The following GUCY2C variants were observed in gnomAD, a reference collection of about 807,000 sequenced individuals.
GUCY2C encodes guanylate cyclase 2C, also known as guanylyl cyclase C.
A neutral mutation model predicts 131.1 loss-of-function variants in GUCY2C; 118 were observed. That is an observed-to-expected ratio of 0.90 (90% CI 0.78 to 1.05). The LOEUF is 1.05. Among genes scored for constraint, GUCY2C ranks in the 50% least tolerant of loss-of-function variants. The probability of loss-of-function intolerance (pLI) is 0.00; values close to 1 mark genes in which losing one functional copy is unlikely to be tolerated. For synonymous variants in GUCY2C, 452 were observed against 457.8 expected (o/e 0.99, Z 0.16); for missense variants, 1,161 against 1,304.4 (o/e 0.89, Z 1.69).
At position 14,639,771 on chromosome 12, in the gene GUCY2C, G is replaced by A. The variant is rs1947355040; in HGVS notation, c.2157+91C>T. 5 of 827,122 alleles carry A rather than the reference G, an allele frequency of 6.0e-6. No individual in the cohort carries two copies. In the East Asian group the frequency reaches 7.5e-5, roughly 12 times the overall value. 51.2% of individuals were successfully genotyped at this position (827,122 alleles called of 1,614,324 possible). A position where few individuals can be genotyped will look rare whatever the true frequency, so the allele number is the denominator to read the frequency against. Reference sequence around the variant, plus strand: ...TTTCAGACTTCTAGTCTCCAGAACCGTAAGTGAATAAATTTTTGTTGTTTT... The same window carrying A: ...TTTCAGACTTCTAGTCTCCAGAACCATAAGTGAATAAATTTTTGTTGTTTT... On this transcript the variant is annotated intron_variant, in intron 19 of 26. Transcript: ENST00000261170.
chr12:14,646,574 G>C lies in GUCY2C; in HGVS notation c.1711-1259C>G, dbSNP rs140461424. ...TTACTATAAAAAATGTGAAAAAATT[G>C]CACAATATAAAAAAGAAGAATATAA... On this transcript the variant is annotated intron_variant, in intron 15 of 26. Coordinates refer to ENST00000261170, the MANE Select transcript of GUCY2C (RefSeq NM_004963.4). Among the ~76,000 whole-genome samples, 699 of 152,180 alleles carry C rather than the reference G, an allele frequency of 4.6e-3. 7 individuals carry two copies. The highest frequency in any genetic ancestry group is 0.016 in the African/African-American group (662 of 41,522).
intron 19 of GUCY2C, among the ~76,000 whole-genome samples, chr12:14,639,126 C>T (rs1164694230): frequency 6.6e-6 from 1 of 151,894 alleles, no homozygotes; most frequent in African/African-American, 2.4e-5. Flanking sequence ...GGTGAAACCC[C>T]ATCTCTACTA....
chr12:14,637,943 G>T (rs1947307703), intron 19 of GUCY2C, among the ~76,000 whole-genome samples: 2 of 152,124 alleles, frequency 1.3e-5, no homozygotes. Flanking sequence ...ACAACCTGTT[G>T]AATGGGAGAA....
At chr12:14,617,348 AG>A (rs1592071374) in intron 24 of GUCY2C, among the ~76,000 whole-genome samples, 1 of 152,182 alleles carries the variant, frequency 6.6e-6, no homozygotes, top group Non-Finnish European at 1.5e-5. Context: ...ATCAGTTTTC[AG>A]GGCCCTGCGT....
chr12:14,661,091 C>T (rs761957454), intron 10 of GUCY2C, 29 bp from the exon 11 acceptor site: 45 of 1,411,248 alleles, frequency 3.2e-5, no homozygotes, highest in Non-Finnish European at 4.3e-5. Context: ...TAGGAAGGAC[C>T]TTAGACAAGA....
chr12:14,674,828 A>C, intron 7 of GUCY2C, 68 bp from the exon 8 acceptor site: 1 of 1,256,996 alleles, frequency 8.0e-7, no homozygotes, highest in Non-Finnish European at 1.1e-6. Context: ...CCTAGAACAA[A>C]AGGTTGTTGG....
At chr12:14,653,987 A>G (rs1032465610) in intron 12 of GUCY2C, among the ~76,000 whole-genome samples, 3 of 152,238 alleles carry the variant, frequency 2.0e-5, no homozygotes, top group Non-Finnish European at 1.5e-5. Context: ...CCTTGATGAC[A>G]TCATTTAAAC....
intron 1 of GUCY2C, among the ~76,000 whole-genome samples, chr12:14,691,400 T>C (rs1948572600): frequency 6.6e-5 from 10 of 152,086 alleles, no homozygotes; most frequent in Admixed American, 4.6e-4. Context: ...TTAATTTTCA[T>C]GACAATAGAA....
In GUCY2C at chr12:14,660,591, A is replaced by G. The variant is rs12230693; in HGVS notation, c.1364+390T>C. ...TTGATGTCTCCCACAATATAACAGCATAATAAAAATAACTATTTTATCTAT... is the reference window on the plus strand; with the variant it reads ...TTGATGTCTCCCACAATATAACAGCGTAATAAAAATAACTATTTTATCTAT... On this transcript the variant is annotated intron_variant, in intron 11 of 26. Transcript: ENST00000261170. Among the ~76,000 whole-genome samples, 208 of 152,346 alleles carry G rather than the reference A, an allele frequency of 1.4e-3. 2 individuals are homozygous for G. In the South Asian group the frequency reaches 0.017, roughly 13 times the overall value.
Position 14,619,233 on chromosome 12 carries a change from AGAGGCTG to A in GUCY2C, c.2846_2852del (p.Thr949IlefsTer10). ...TACGGAGGCCAGTGGATTCCATCCT[AGAGGCTG>A]TGTTGACCGTATCTCCAAATAGACA... On this transcript the variant is annotated frameshift_variant, in exon 24 of 27. Transcript: ENST00000261170. LOFTEE classifies it high-confidence loss of function. The A allele has an allele frequency of 6.2e-7, 1 of 1,608,180 alleles. No individual in the cohort carries two copies. The highest frequency in any genetic ancestry group is 1.3e-5 in the African/African-American group (1 of 74,780).
intron 25 of GUCY2C, among the ~76,000 whole-genome samples, chr12:14,615,648 T>A (rs954852556): frequency 4.7e-5 from 7 of 149,664 alleles, no homozygotes; most frequent in East Asian, 1.9e-4. Flanking sequence ...TATATATATA[T>A]AATTGATATA....
At chr12:14,635,813 A>T (rs1371224446) in intron 19 of GUCY2C, among the ~76,000 whole-genome samples, 1 of 152,192 alleles carries the variant, frequency 6.6e-6, no homozygotes, top group Non-Finnish European at 1.5e-5. Flanking sequence ...ATTATCAGAG[A>T]CTATTATGAA....
chr12:14,623,317 G>A (rs1397472308), intron 21 of GUCY2C, among the ~76,000 whole-genome samples: 1 of 152,156 alleles, frequency 6.6e-6, no homozygotes, highest in Non-Finnish European at 1.5e-5. Context: ...GGCTCTCCCG[G>A]AAAGAAAACA....
chr12:14,616,612 T>C (rs1946767886), intron 25 of GUCY2C, 21 bp downstream of exon 25: 1 of 1,344,990 alleles, frequency 7.4e-7, no homozygotes, highest in African/African-American at 1.4e-5. Flanking sequence ...TTCCTATGCA[T>C]TGTCTCTGTG....
chr12:14,638,170 C>G (rs1947312700), intron 19 of GUCY2C, among the ~76,000 whole-genome samples: 1 of 152,204 alleles, frequency 6.6e-6, no homozygotes, highest in Non-Finnish European at 1.5e-5. Context: ...AATGAGCTAT[C>G]ATCTTACCCC....
chr12:14,625,798 C>T lies in GUCY2C; in HGVS notation c.2367G>A (p.Glu789=). 1 of 1,614,112 alleles carries T rather than the reference C, an allele frequency of 6.2e-7. No homozygotes were observed. Among genetic ancestry groups the T allele is most frequent in the South Asian group, 1.1e-5 (1 of 91,078 alleles). ...VEERTQLYKA[E]RDRADRLNFM... ...AGTTAAGTCTGTCAGCCCTGTCCCTCTCTGCCTTGTACAGCTGTGTCCTTT... is the reference window on the plus strand; with the variant it reads ...AGTTAAGTCTGTCAGCCCTGTCCCTTTCTGCCTTGTACAGCTGTGTCCTTT... Residue 789 remains glutamate (E), a synonymous_variant, in exon 21 of 27, where the codon GAG becomes GAA. Transcript: ENST00000261170.
intron 21 of GUCY2C, among the ~76,000 whole-genome samples, chr12:14,624,498 A>G (rs933663201): frequency 6.6e-6 from 1 of 152,068 alleles, no homozygotes; most frequent in Non-Finnish European, 1.5e-5. Context: ...AGAAACTTCT[A>G]TTTTAATGTA....
chr12:14,651,266 C>T (rs1731215433), intron 15 of GUCY2C, 141 bp downstream of exon 15: 13 of 507,388 alleles, frequency 2.6e-5, no homozygotes, highest in Admixed American at 1.1e-4. Context: ...GAAAAAATCT[C>T]GGGGATCTAG....
chr12:14,686,366 G>T, intron 2 of GUCY2C, 141 bp from the exon 3 acceptor site: 1 of 650,814 alleles, frequency 1.5e-6, no homozygotes, highest in Non-Finnish European at 2.7e-6. Context: ...AACATAGGGT[G>T]CCTTGGTCTG....
Sources: allele counts gnomAD v4.1 joint callset (sites outside exome capture counted in the v4.1 genomes callset), GRCh38; gene constraint gnomAD v4.1.1; transcripts MANE v1.5; gene names NCBI Gene and HGNC (gene_info 2026-07-23, HGNC 2026-07-21).